ANKFN1: variants seen among roughly 807,000 people sequenced by gnomAD.
ANKFN1 encodes ankyrin repeat and fibronectin type-III domain-containing protein 1.
Under a neutral mutation model 108.7 loss-of-function variants are expected in ANKFN1, and 74 were observed. That is an observed-to-expected ratio of 0.68 (90% CI 0.56 to 0.83). The LOEUF (loss-of-function observed/expected upper bound fraction) is 0.83. ANKFN1 is among the 40% of genes least tolerant of loss of function. The pLI is 0.00. For missense variants in ANKFN1, 1,505 were observed against 1,382.3 expected, an observed-to-expected ratio of 1.09 and a Z score of -1.41; for synonymous variants, 547 against 516.2, an observed-to-expected ratio of 1.06 and a Z score of -0.81.
intron 4 of ANKFN1, among the ~76,000 whole-genome samples, chr17:56,110,804 T>A (rs1384764141): frequency 6.6e-6 from 1 of 152,188 alleles, no homozygotes; most frequent in Non-Finnish European, 1.5e-5. Flanking sequence ...ACCTAAAATG[T>A]CAGGTCCCTC....
intron 4 of ANKFN1, among the ~76,000 whole-genome samples, chr17:56,337,374 A>T (rs186590006): frequency 6.6e-6 from 1 of 152,150 alleles, no homozygotes; most frequent in East Asian, 1.9e-4. Context: ...GTAGGTCTCT[A>T]AGGACTTGTT....
chr17:56,116,446 G>C (rs915887490), intron 4 of ANKFN1, among the ~76,000 whole-genome samples: 4 of 152,092 alleles, frequency 2.6e-5, no homozygotes, highest in Non-Finnish European at 5.9e-5. Context: ...GTTGCAGATG[G>C]GGCCTAATGG....
chr17:56,177,205 A>G (rs1470762596), intron 1 of ANKFN1, among the ~76,000 whole-genome samples: 1 of 152,180 alleles, frequency 6.6e-6, no homozygotes, highest in Admixed American at 6.5e-5. Context: ...TGGTTTTCCC[A>G]AGGGGGTTCC....
At chr17:56,395,845 C>T (rs2047567281) in intron 8 of ANKFN1, among the ~76,000 whole-genome samples, 1 of 151,968 alleles carries the variant, frequency 6.6e-6, no homozygotes, top group Non-Finnish European at 1.5e-5. Flanking sequence ...AAGACTCTGA[C>T]TCAAAAAAGA....
chr17:56,489,685 C>T (rs1033594424), intron 18 of ANKFN1, among the ~76,000 whole-genome samples: 1 of 152,148 alleles, frequency 6.6e-6, no homozygotes, highest in South Asian at 2.1e-4. Context: ...GTGCCTCTCC[C>T]TATTTTTCCA....
At chr17:56,480,301 C>T (rs971968822) in intron 16 of ANKFN1, among the ~76,000 whole-genome samples, 2 of 152,162 alleles carry the variant, frequency 1.3e-5, no homozygotes. Context: ...CAGAATTAGC[C>T]AGTAGATGCC....
intron 3 of ANKFN1, among the ~76,000 whole-genome samples, chr17:56,296,081 T>C (rs2044501765): frequency 1.3e-5 from 2 of 152,192 alleles, no homozygotes. Flanking sequence ...TCAGGTTTTT[T>C]TTTCAAATTA....
chr17:56,463,429 A>T (rs570067020), intron 14 of ANKFN1, among the ~76,000 whole-genome samples: 1 of 152,308 alleles, frequency 6.6e-6, no homozygotes, highest in South Asian at 2.1e-4. Flanking sequence ...AAAATTATTC[A>T]TATTATAGTA....
intron 3 of ANKFN1, among the ~76,000 whole-genome samples, chr17:56,272,805 C>T (rs181690454): frequency 6.4e-4 from 97 of 152,258 alleles, no homozygotes; most frequent in African/African-American, 2.2e-3. Flanking sequence ...GCACCGGTTA[C>T]ATTTTGAAGT....
intron 4 of ANKFN1, among the ~76,000 whole-genome samples, chr17:56,111,238 T>C (rs1905943526): frequency 6.6e-6 from 1 of 152,220 alleles, no homozygotes. Context: ...CACACCCATG[T>C]GCTCACCTCC....
At chr17:56,236,295 G>T (rs1053840593) in intron 3 of ANKFN1, among the ~76,000 whole-genome samples, 3 of 152,104 alleles carry the variant, frequency 2.0e-5, no homozygotes, top group Non-Finnish European at 2.9e-5. Flanking sequence ...CTGACCTCAT[G>T]ATCTGCCTGC....
At chr17:56,470,457 T>C (rs1433095997) in intron 15 of ANKFN1, among the ~76,000 whole-genome samples, 1 of 152,180 alleles carries the variant, frequency 6.6e-6, no homozygotes, top group Non-Finnish European at 1.5e-5. Context: ...CTGTTGTTTC[T>C]TGAATTTGTA....
intron 3 of ANKFN1, 91 bp downstream of exon 3, chr17:56,228,048 G>A: frequency 2.7e-6 from 3 of 1,108,358 alleles, no homozygotes; most frequent in Admixed American, 5.0e-5. Flanking sequence ...TCACATTGCT[G>A]CATTTTTAAA....
chr17:56,371,873 A>G (rs929801773), intron 6 of ANKFN1, among the ~76,000 whole-genome samples: 3 of 152,200 alleles, frequency 2.0e-5, no homozygotes, highest in Non-Finnish European at 2.9e-5. Flanking sequence ...ACTATCACAT[A>G]TTGGGTAAAA....
At chr17:56,469,774 A>C (rs1224252837) in intron 15 of ANKFN1, among the ~76,000 whole-genome samples, 1 of 84,634 alleles carries the variant, frequency 1.2e-5, no homozygotes, top group African/African-American at 3.8e-5. Context: ...GTCTCAGAAA[A>C]TTTTTTTTCT....
intron 3 of ANKFN1, among the ~76,000 whole-genome samples, chr17:56,245,481 AC>A (rs1381693373): frequency 7.9e-5 from 12 of 152,082 alleles, no homozygotes; most frequent in Admixed American, 2.6e-4. Flanking sequence ...ATGAAATTTC[AC>A]TGCTAGTTTT....
chr17:56,409,990 C>T (rs553628763), intron 8 of ANKFN1, among the ~76,000 whole-genome samples: 1 of 152,156 alleles, frequency 6.6e-6, no homozygotes, highest in African/African-American at 2.4e-5. Context: ...TTTAAAAAAA[C>T]TGAAAGTAGA....
At chr17:56,336,073 T>C (rs1028576251) in intron 4 of ANKFN1, among the ~76,000 whole-genome samples, 3 of 152,252 alleles carry the variant, frequency 2.0e-5, no homozygotes, top group Non-Finnish European at 4.4e-5. Flanking sequence ...GCCAACTTGA[T>C]CTTGATGGAT....
At chr17:56,308,730 G>A (rs1395252367) in intron 3 of ANKFN1, among the ~76,000 whole-genome samples, 1 of 152,034 alleles carries the variant, frequency 6.6e-6, no homozygotes, top group African/African-American at 2.4e-5. Flanking sequence ...ATCAAGCTGA[G>A]GATGTTCGTT....
Sources: gnomAD v4.1 joint callset for allele counts (sites outside exome capture counted in the v4.1 genomes callset) on GRCh38, gnomAD v4.1.1 for gene constraint, MANE v1.5 for transcripts, NCBI Gene and HGNC (gene_info 2026-07-23, HGNC 2026-07-21) for gene names.